TCF4: variants seen among roughly 807,000 people sequenced by gnomAD.
TCF4 encodes SL3-3 enhancer factor 2.
TCF4 carries 3 observed loss-of-function variants against 82.1 expected under a neutral mutation model. That is an observed-to-expected ratio of 0.04 (90% CI 0.02 to 0.09). The LOEUF is 0.09. Among genes scored for constraint, TCF4 ranks in the 10% least tolerant of loss-of-function variants. The pLI is 1.00. For missense variants in TCF4, 518 were observed against 852.7 expected, an observed-to-expected ratio of 0.61 and a Z score of 4.89; for synonymous variants, 276 against 309.6, an observed-to-expected ratio of 0.89 and a Z score of 1.14.
At chr18:55,470,821 C>A (rs2096160481) in intron 3 of TCF4, among the ~76,000 whole-genome samples, 1 of 152,198 alleles carries the variant, frequency 6.6e-6, no homozygotes, top group African/African-American at 2.4e-5. Flanking sequence ...AATTTCAACA[C>A]ATTCAGAATG....
intron 6 of TCF4, among the ~76,000 whole-genome samples, chr18:55,389,373 T>G (rs2092885520): frequency 6.6e-6 from 1 of 152,134 alleles, no homozygotes. Flanking sequence ...GCCTTTGCCC[T>G]TCTCTGGCTG....
chr18:55,225,631 C>A lies in TCF4; in HGVS notation c.*2404G>T, dbSNP rs2046495543. 6.6e-6 allele frequency: 1 copy of A among 152,534 alleles called. No individual in the cohort carries two copies. Among genetic ancestry groups the A allele is most frequent in the Non-Finnish European group, 1.5e-5 (1 of 67,982 alleles). 9.4% of individuals were successfully genotyped at this position (152,534 alleles called of 1,614,324 possible). On this transcript the variant is annotated 3_prime_UTR_variant, in exon 20 of 20. Coordinates refer to ENST00000354452, the MANE Select transcript of TCF4 (RefSeq NM_001083962.2). ...GGAAATCTTTAACATACGGAGGGAA[C>A]AAATACACATGGTTTTCATTATTCA...
intron 8 of TCF4, among the ~76,000 whole-genome samples, chr18:55,305,835 T>C (rs1433733223): frequency 2.0e-5 from 3 of 152,328 alleles, no homozygotes; most frequent in Non-Finnish European, 4.4e-5. Context: ...TCAGTTTCCA[T>C]ACTGATAGGA....
intron 8 of TCF4, chr18:55,321,513 GA>G (rs2075483237): frequency 9.0e-7 from 1 of 1,106,828 alleles, no homozygotes; most frequent in African/African-American, 1.5e-5. Flanking sequence ...TAGGCAAGAA[GA>G]AGATCTTAGG....
At chr18:55,361,911 A>AC (rs2085292846) in intron 6 of TCF4, among the ~76,000 whole-genome samples, 1 of 152,180 alleles carries the variant, frequency 6.6e-6, no homozygotes, top group African/African-American at 2.4e-5. Context: ...GGCAGAAATA[A>AC]CTGAAGTATC....
At chr18:55,416,386 C>T (rs2094526317) in intron 5 of TCF4, among the ~76,000 whole-genome samples, 1 of 152,136 alleles carries the variant, frequency 6.6e-6, no homozygotes, top group Non-Finnish European at 1.5e-5. Context: ...AGGTCTGCCC[C>T]TAAGTTTCAA....
chr18:55,630,032 G>A (rs2097730136), intron 2 of TCF4, among the ~76,000 whole-genome samples: 2 of 152,086 alleles, frequency 1.3e-5, no homozygotes, highest in South Asian at 4.1e-4. Flanking sequence ...TTCACTGTAT[G>A]TTTACCTCAT....
chr18:55,331,414 C>CTAA (rs1398545158), intron 8 of TCF4, among the ~76,000 whole-genome samples: 1 of 152,228 alleles, frequency 6.6e-6, no homozygotes, highest in African/African-American at 2.4e-5. Context: ...TCTTAAATTT[C>CTAA]TAAACAAAGA....
At chr18:55,414,338 C>T (rs759100296) in intron 5 of TCF4, among the ~76,000 whole-genome samples, 3 of 150,802 alleles carry the variant, frequency 2.0e-5, no homozygotes, top group African/African-American at 2.5e-5. Flanking sequence ...AAAAAAAAAA[C>T]GTAGATGACA....
At chr18:55,276,871 G>A (rs1006147493) in intron 9 of TCF4, among the ~76,000 whole-genome samples, 8 of 152,106 alleles carry the variant, frequency 5.3e-5, no homozygotes, top group African/African-American at 1.9e-4. Flanking sequence ...CTTTTTCATT[G>A]AGTTCTTAAA....
At chr18:55,468,998 C>T (rs1022169802) in intron 3 of TCF4, among the ~76,000 whole-genome samples, 1 of 151,524 alleles carries the variant, frequency 6.6e-6, no homozygotes, top group African/African-American at 2.4e-5. Context: ...AATTCCTGTT[C>T]CAAAAGACTG....
rs35471663 is a variant in TCF4 at position 55,505,803 on chromosome 18, C to CAAAAA, written c.146-41671_146-41667dup. On this transcript the variant is annotated intron_variant, in intron 3 of 19. Transcript: ENST00000354452. ...TGGGCCACAGAGCGAGACTCCGTCTCAAAAAAAAAAAAAAAAAAAAGCAAC... is the reference window on the plus strand; with the variant it reads ...TGGGCCACAGAGCGAGACTCCGTCTCAAAAAAAAAAAAAAAAAAAAAAAAAGCAAC... 2.5e-4 allele frequency among the ~76,000 whole-genome samples: 21 copies of CAAAAA among 83,082 alleles called. No homozygotes were observed. In the South Asian group the frequency reaches 6.8e-3, roughly 27 times the overall value. 54.5% of individuals were successfully genotyped at this position (83,082 alleles called of 152,430 possible).
At chr18:55,353,054 T>C (rs1446292077) in intron 6 of TCF4, among the ~76,000 whole-genome samples, 1 of 152,184 alleles carries the variant, frequency 6.6e-6, no homozygotes, top group East Asian at 1.9e-4. Context: ...AGAAAACGGC[T>C]AAGCAAATAT....
chr18:55,571,759 T>C (rs938786036), intron 3 of TCF4, among the ~76,000 whole-genome samples: 4 of 150,898 alleles, frequency 2.7e-5, no homozygotes, highest in Non-Finnish European at 5.9e-5. Context: ...TTTGTTATTA[T>C]ATGTTTTGTT....
intron 5 of TCF4, among the ~76,000 whole-genome samples, chr18:55,409,363 T>C (rs963492901): frequency 6.6e-6 from 1 of 152,076 alleles, no homozygotes; most frequent in Admixed American, 6.6e-5. Context: ...AGTTAAGACA[T>C]TTAATTCAGG....
chr18:55,353,517 T>C (rs889197998), intron 6 of TCF4, among the ~76,000 whole-genome samples: 1 of 152,194 alleles, frequency 6.6e-6, no homozygotes, highest in Non-Finnish European at 1.5e-5. Flanking sequence ...ATAGAATCAT[T>C]CTTCTAAAGC....
intron 3 of TCF4, among the ~76,000 whole-genome samples, chr18:55,547,606 A>T (rs2097217856): frequency 6.6e-6 from 1 of 152,210 alleles, no homozygotes; most frequent in African/African-American, 2.4e-5. Context: ...AAACAGGTGC[A>T]CACTTTCCTA....
chr18:55,526,426 G>T (rs2096984802), intron 3 of TCF4, among the ~76,000 whole-genome samples: 1 of 152,108 alleles, frequency 6.6e-6, no homozygotes, highest in South Asian at 2.1e-4. Context: ...CATTATTGGT[G>T]ATTTCTAACA....
intron 8 of TCF4, among the ~76,000 whole-genome samples, chr18:55,296,758 C>T (rs2066610083): frequency 6.6e-6 from 1 of 152,120 alleles, no homozygotes; most frequent in Admixed American, 6.5e-5. Context: ...CTAAGATTTG[C>T]ATTTCCTTGA....
Sources: gnomAD v4.1 joint callset for allele counts (sites outside exome capture counted in the v4.1 genomes callset) on GRCh38, gnomAD v4.1.1 for gene constraint, MANE v1.5 for transcripts, NCBI Gene and HGNC (gene_info 2026-07-23, HGNC 2026-07-21) for gene names.